ENTREP2: variants seen among roughly 807,000 people sequenced by gnomAD.
ENTREP2 encodes the protein protein ENTREP2.
the ENTREP2 span, among the ~76,000 whole-genome samples, chr15:29,155,566 A>G: frequency 6.6e-6 from 1 of 152,140 alleles, no homozygotes; most frequent in African/African-American, 2.4e-5. Flanking sequence ...CTCCTGGTGC[A>G]GCTCTGCCCT....
At chr15:29,592,369 G>A in the ENTREP2 span, among the ~76,000 whole-genome samples, 2 of 152,190 alleles carry the variant, frequency 1.3e-5, no homozygotes, top group African/African-American at 4.8e-5. Flanking sequence ...AACTTATAAA[G>A]AAACGTATTG....
chr15:29,276,984 A>G, the ENTREP2 span, among the ~76,000 whole-genome samples: 2 of 152,176 alleles, frequency 1.3e-5, no homozygotes, highest in Admixed American at 6.5e-5. Flanking sequence ...TGTGCTCATC[A>G]TTTTAGTTGG....
the ENTREP2 span, among the ~76,000 whole-genome samples, chr15:29,479,906 AGAG>A: frequency 6.6e-6 from 1 of 152,100 alleles, no homozygotes; most frequent in African/African-American, 2.4e-5. Flanking sequence ...AGCCACAGAG[AGAG>A]GAGAACAGAG....
chr15:29,593,553 AAAC>A, the ENTREP2 span, among the ~76,000 whole-genome samples: 1 of 152,192 alleles, frequency 6.6e-6, no homozygotes, highest in African/African-American at 2.4e-5. Context: ...GCAAATCCAC[AAAC>A]AGCCCATGCC....
At chr15:29,212,331 G>A in the ENTREP2 span, among the ~76,000 whole-genome samples, 18 of 152,048 alleles carry the variant, frequency 1.2e-4, no homozygotes, top group South Asian at 2.1e-4. Flanking sequence ...TACCTCCCCC[G>A]TTTCATTTCT....
At chr15:29,135,860 A>G in the ENTREP2 span, among the ~76,000 whole-genome samples, 559 of 152,206 alleles carry the variant, frequency 3.7e-3, 2 homozygotes, top group African/African-American at 0.012. The surrounding 1 kb of genome is among the most constrained non-coding windows in gnomAD (Gnocchi z 7.4). Context: ...CCCACCCCAG[A>G]GGGCGGTGAT....
chr15:29,489,662 A>G, the ENTREP2 span, among the ~76,000 whole-genome samples: 1 of 152,240 alleles, frequency 6.6e-6, no homozygotes, highest in Non-Finnish European at 1.5e-5. Context: ...GTCTCTCTGG[A>G]TATCCCATGC....
the ENTREP2 span, among the ~76,000 whole-genome samples, chr15:29,668,790 T>C: frequency 6.6e-6 from 1 of 152,110 alleles, no homozygotes. Context: ...AGAAAAACAA[T>C]CACCTCCAGT....
the ENTREP2 span, among the ~76,000 whole-genome samples, chr15:29,329,754 C>T: frequency 6.6e-6 from 1 of 152,106 alleles, no homozygotes; most frequent in African/African-American, 2.4e-5. Flanking sequence ...GTCAAAGGAA[C>T]ACAGAAGCCA....
At chr15:29,152,017 A>T in the ENTREP2 span, among the ~76,000 whole-genome samples, 2 of 152,228 alleles carry the variant, frequency 1.3e-5, no homozygotes, top group Non-Finnish European at 2.9e-5. Flanking sequence ...TCATAGAAAC[A>T]CATTCGTTTA....
At chr15:29,408,241 T>TA in the ENTREP2 span, among the ~76,000 whole-genome samples, 5 of 151,870 alleles carry the variant, frequency 3.3e-5, no homozygotes, top group East Asian at 1.9e-4. Flanking sequence ...TCCAGCAGTT[T>TA]AAAAAAAAGA....
chr15:29,361,182 G>C, the ENTREP2 span, among the ~76,000 whole-genome samples: 1 of 152,184 alleles, frequency 6.6e-6, no homozygotes, highest in Non-Finnish European at 1.5e-5. Context: ...GATTCAGTCT[G>C]AATCAGTCTT....
the ENTREP2 span, among the ~76,000 whole-genome samples, chr15:29,327,546 G>C: frequency 6.8e-6 from 1 of 146,476 alleles, no homozygotes; most frequent in East Asian, 2.0e-4. Context: ...AGTGAGCCGA[G>C]ATTGCAACAC....
At chr15:29,342,189 G>C in the ENTREP2 span, among the ~76,000 whole-genome samples, 1 of 152,216 alleles carries the variant, frequency 6.6e-6, no homozygotes, top group African/African-American at 2.4e-5. Flanking sequence ...TACAGATGGC[G>C]ATGAGGGGAC....
the ENTREP2 span, among the ~76,000 whole-genome samples, chr15:29,438,755 T>G: frequency 6.6e-6 from 1 of 152,188 alleles, no homozygotes; most frequent in African/African-American, 2.4e-5. Context: ...GTTATCCTTT[T>G]GCCTCCGCAG....
the ENTREP2 span, among the ~76,000 whole-genome samples, chr15:29,669,681 A>AC: frequency 5.9e-5 from 9 of 152,120 alleles, no homozygotes; most frequent in Non-Finnish European, 1.0e-4. Flanking sequence ...ACTGTCCACC[A>AC]CCCCATTCAT....
chr15:29,203,114 G>A, the ENTREP2 span, among the ~76,000 whole-genome samples: 12 of 152,276 alleles, frequency 7.9e-5, no homozygotes, highest in South Asian at 2.1e-3. Context: ...GTATAAAACC[G>A]TTCCTAGGCC....
chr15:29,415,330 T>C, the ENTREP2 span, among the ~76,000 whole-genome samples: 4 of 152,202 alleles, frequency 2.6e-5, no homozygotes, highest in Admixed American at 6.5e-5. Context: ...ATCCCTGGGA[T>C]GCAAGGCTGG....
chr15:29,228,959 CTTTTT>C, the ENTREP2 span, among the ~76,000 whole-genome samples: 17 of 151,974 alleles, frequency 1.1e-4, no homozygotes, highest in South Asian at 4.1e-4. Flanking sequence ...CTTTTCTTTT[CTTTTT>C]TAAATTAAAA....
Sources: allele counts gnomAD v4.1 joint callset (sites outside exome capture counted in the v4.1 genomes callset), GRCh38; gene constraint gnomAD v4.1.1; non-coding constraint Gnocchi (gnomAD v3.1); transcripts MANE v1.5; gene names NCBI Gene and HGNC (gene_info 2026-07-23, HGNC 2026-07-21).